Variants in EFHD2 observed in about 807,000 individuals in gnomAD.
EFHD2 encodes the protein EF-hand domain family member D2.
In EFHD2, 12 loss-of-function variants were observed where a neutral mutation model predicts 20.3. That is an observed-to-expected ratio of 0.59 (90% confidence interval 0.38 to 0.96). EFHD2 has a LOEUF of 0.96. EFHD2 is among the 40% of genes least tolerant of loss of function. The probability of loss-of-function intolerance (pLI) is 0.00; values close to 1 mark genes in which losing one functional copy is unlikely to be tolerated. For missense variants in EFHD2, 250 were observed against 334.3 expected, an observed-to-expected ratio of 0.75 and a Z score of 1.97; for synonymous variants, 131 against 143.9, an observed-to-expected ratio of 0.91 and a Z score of 0.64.
intron 1 of EFHD2, among the ~76,000 whole-genome samples, chr1:15,415,394 G>C (rs1707644358): frequency 6.6e-6 from 1 of 151,916 alleles, no homozygotes; most frequent in Admixed American, 6.6e-5. Context: ...AGAGCCACTA[G>C]TTCTAGCCAT....
intron 1 of EFHD2, among the ~76,000 whole-genome samples, chr1:15,424,726 T>C (rs1441269853): frequency 6.6e-6 from 1 of 152,200 alleles, no homozygotes; most frequent in Non-Finnish European, 1.5e-5. Flanking sequence ...TATTCACGTC[T>C]TATTTCTTCA....
At chr1:15,427,936 C>T (rs763475462) in intron 3 of EFHD2, 11 of 470,144 alleles carry the variant, frequency 2.3e-5, no homozygotes, top group Middle Eastern at 4.5e-4. Flanking sequence ...GGACAGGAAG[C>T]AGAGGATCAG....
chr1:15,427,887 G>A (rs1707900195), intron 3 of EFHD2: 1 of 469,306 alleles, frequency 2.1e-6, no homozygotes, highest in Non-Finnish European at 4.4e-6. Flanking sequence ...GAACTTTTCA[G>A]GGTTCATCAG....
chr1:15,427,071 G>T, intron 2 of EFHD2, 79 bp from the exon 3 acceptor site: 1 of 1,549,978 alleles, frequency 6.5e-7, no homozygotes, highest in Non-Finnish European at 8.7e-7. Context: ...CCTGAGGCTG[G>T]GGCCTGGGTG....
intron 1 of EFHD2, among the ~76,000 whole-genome samples, chr1:15,422,819 C>G (rs1396991084): frequency 6.6e-6 from 1 of 152,048 alleles, no homozygotes; most frequent in Non-Finnish European, 1.5e-5. Context: ...CAAGATTGCG[C>G]CACTGCACTC....
intron 3 of EFHD2, among the ~76,000 whole-genome samples, chr1:15,427,568 A>G (rs1240740023): frequency 2.0e-5 from 3 of 152,208 alleles, no homozygotes; most frequent in Admixed American, 2.0e-4. Flanking sequence ...CAGAGCTGCT[A>G]ACACAGAGGA....
chr1:15,418,637 G>GCCGC (rs149995215), intron 1 of EFHD2, among the ~76,000 whole-genome samples: 3 of 46,968 alleles, frequency 6.4e-5, no homozygotes, highest in Non-Finnish European at 1.0e-4. Context: ...GCCAAGATAG[G>GCCGC]CCCCCCCTTA....
Position 15,418,728 on chromosome 1 carries a change from C to T in EFHD2, c.309-7143C>T, listed in dbSNP as rs77859819. Among the ~76,000 whole-genome samples, 1,243 of 152,334 alleles carry T rather than the reference C, an allele frequency of 8.2e-3. 5 individuals are homozygous for T. The highest frequency in any genetic ancestry group is 0.012 in the Non-Finnish European group (817 of 68,032). ...GCATCAGGAATCTGATTTTCAGGAACGACTGAATAAGATGGCCTCTAATAT... is the reference window on the plus strand; with the variant it reads ...GCATCAGGAATCTGATTTTCAGGAATGACTGAATAAGATGGCCTCTAATAT... On this transcript the variant is annotated intron_variant, in intron 1 of 3. Transcript: ENST00000375980.
chr1:15,409,906 G>A lies in EFHD2; in HGVS notation c.-66G>A. On this transcript the variant is annotated 5_prime_UTR_variant, in exon 1 of 4. Coordinates refer to ENST00000375980, the MANE Select transcript of EFHD2 (RefSeq NM_024329.6). ...GCCCGGGGAGTGTCAGGAAGAGGAA[G>A]AGCGCGGCCGGCGGCGCTGCGCTGA... The A allele has an allele frequency of 1.7e-6, 2 of 1,192,992 alleles. No individual in the cohort carries two copies. The highest frequency in any genetic ancestry group is 2.1e-6 in the Non-Finnish European group (2 of 964,320). 73.9% of individuals were successfully genotyped at this position (1,192,992 alleles called of 1,614,324 possible).
chr1:15,424,129 C>T (rs1400343056), intron 1 of EFHD2, among the ~76,000 whole-genome samples: 1 of 151,424 alleles, frequency 6.6e-6, no homozygotes, highest in Non-Finnish European at 1.5e-5. Context: ...GAGGTAGAGG[C>T]TGCAGTAAGC....
Position 15,428,943 on chromosome 1 carries a change from CCT to C in EFHD2, c.*220_*221del. 1 of 627,248 alleles carries C rather than the reference CCT, an allele frequency of 1.6e-6. No homozygotes were observed. Among genetic ancestry groups the C allele is most frequent in the South Asian group, 1.9e-5 (1 of 51,450 alleles). The allele number at this position is 627,248 out of a possible 1,614,324, so 38.9% of individuals were successfully genotyped here. On this transcript the variant is annotated 3_prime_UTR_variant, in exon 4 of 4. Transcript: ENST00000375980. ...GAGGCCGCCACACCGGCGCTGGCTC[CCT>C]GCCCGGCCCGGCCCTCCCTGGCAAT...
intron 1 of EFHD2, among the ~76,000 whole-genome samples, chr1:15,418,150 CA>C: frequency 6.6e-6 from 1 of 151,048 alleles, no homozygotes; most frequent in Admixed American, 6.6e-5. Context: ...CCACCACACC[CA>C]GTTAATTTTT....
At chr1:15,418,359 G>A (rs1289650894) in intron 1 of EFHD2, among the ~76,000 whole-genome samples, 5 of 131,646 alleles carry the variant, frequency 3.8e-5, no homozygotes, top group African/African-American at 1.5e-4. Context: ...AGGCTGGAGT[G>A]CAGTGGCGCG....
At position 15,428,619 on chromosome 1, in the gene EFHD2, C is replaced by T. The variant is rs759288216; in HGVS notation, c.618C>T (p.Arg206=). ...AKVQAINVSS[R]FEEEIKAEQE... ...TCCAGGCCATCAACGTGTCCAGCCGCTTCGAGGAGGAGATCAAGGCAGAGC... is the reference window on the plus strand; with the variant it reads ...TCCAGGCCATCAACGTGTCCAGCCGTTTCGAGGAGGAGATCAAGGCAGAGC... The change falls in exon 4 of 4, where the codon CGC becomes CGT. Residue 206 remains arginine, a synonymous_variant. Coordinates refer to ENST00000375980, the MANE Select transcript of EFHD2 (RefSeq NM_024329.6). 1.2e-5 allele frequency: 19 copies of T among 1,611,292 alleles called. No homozygotes were observed. The African/African-American group carries it at 1.3e-4, about 11-fold the overall frequency.
chr1:15,420,531 A>G (rs191434389), intron 1 of EFHD2, among the ~76,000 whole-genome samples: 3 of 151,702 alleles, frequency 2.0e-5, no homozygotes, highest in African/African-American at 7.3e-5. Context: ...TTATTTATTT[A>G]TTTTTTGAGA....
At chr1:15,422,718 G>A (rs1191285112) in intron 1 of EFHD2, among the ~76,000 whole-genome samples, 4 of 152,036 alleles carry the variant, frequency 2.6e-5, no homozygotes, top group South Asian at 2.1e-4. Flanking sequence ...AAAATTAGCC[G>A]AGCGTGGTGG....
intron 1 of EFHD2, among the ~76,000 whole-genome samples, chr1:15,421,479 C>G (rs1419141874): frequency 6.6e-6 from 1 of 152,166 alleles, no homozygotes; most frequent in Non-Finnish European, 1.5e-5. Flanking sequence ...CCTGTATTGT[C>G]CCCCTGGGGG....
intron 1 of EFHD2, among the ~76,000 whole-genome samples, chr1:15,417,712 A>T (rs963113085): frequency 6.6e-6 from 1 of 152,184 alleles, no homozygotes; most frequent in East Asian, 1.9e-4. Flanking sequence ...GGGTGGGGAC[A>T]TGCAGGAACT....
intron 1 of EFHD2, among the ~76,000 whole-genome samples, chr1:15,416,999 T>C (rs1360061364): frequency 2.6e-5 from 4 of 151,928 alleles, no homozygotes; most frequent in Admixed American, 6.6e-5. Flanking sequence ...TTTGTAGAGA[T>C]GGGGTCTCAT....
Sources: gnomAD v4.1 joint callset for allele counts (sites outside exome capture counted in the v4.1 genomes callset) on GRCh38, gnomAD v4.1.1 for gene constraint, MANE v1.5 for transcripts, NCBI Gene and HGNC (gene_info 2026-07-23, HGNC 2026-07-21) for gene names.